The following SHISA6 variants were observed in gnomAD, a reference collection of about 807,000 sequenced individuals.
The protein encoded by SHISA6 is protein shisa-6.
In SHISA6, 22 loss-of-function variants were observed where a neutral mutation model predicts 47.9. The observed-to-expected ratio is 0.46, with a 90% CI of 0.33 to 0.66. The LOEUF is 0.66. Among genes scored for constraint, SHISA6 ranks in the 30% least tolerant of loss-of-function variants. The probability of loss-of-function intolerance (pLI) is 0.02; values close to 1 mark genes in which losing one functional copy is unlikely to be tolerated. For synonymous variants in SHISA6, 388 were observed against 337.8 expected (o/e 1.15, Z -1.63); for missense variants, 680 against 764.6 (o/e 0.89, Z 1.30).
chr17:11,246,675 T>C (rs889739995), intron 1 of SHISA6, among the ~76,000 whole-genome samples: 4 of 152,146 alleles, frequency 2.6e-5, no homozygotes, highest in Admixed American at 1.3e-4. Flanking sequence ...AAAGTGACGT[T>C]GCCCTGCCTT....
chr17:11,241,439 T>G lies in SHISA6; in HGVS notation c.17T>G (p.Leu6Arg). Residue 6 changes from leucine to arginine, a missense_variant, in exon 1 of 6, where the codon CTC becomes CGC. Coordinates refer to ENST00000441885, the MANE Select transcript of SHISA6 (RefSeq NM_207386.4). This position sits in a 1 kb window ranked among gnomAD's most constrained non-coding sequence, Gnocchi z 5.5. ...GGCCCCGCCATGGCGCTGCGGCGCC[T>G]CCTGCTGCTGCTGCTGCTCTCGCTG... MALRR[L>R]LLLLLLSLES... The G allele has an allele frequency of 8.4e-7, 1 of 1,189,052 alleles. No homozygotes were observed. Among genetic ancestry groups the G allele is most frequent in the Non-Finnish European group, 1.1e-6 (1 of 944,356 alleles). 73.7% of individuals were successfully genotyped at this position (1,189,052 alleles called of 1,614,324 possible).
rs111817876 is a variant in SHISA6 at position 11,551,918 on chromosome 17, G to A, written c.918G>A (p.Pro306=). The A allele has an allele frequency of 9.7e-6, 15 of 1,551,466 alleles. No individual in the cohort carries two copies. Among genetic ancestry groups the A allele is most frequent in the Admixed American group, 5.9e-5 (3 of 50,976 alleles). ...CAGGTGATCATCAATATAACCATCC[G>A]ATTTTGAGCAGTGTTACCCAGATCC... ...HTKGDHQYNH[P]ILSSVTQIPP... The change falls in exon 4 of 6, where the codon CCG becomes CCA. Residue 306 remains proline (P), a synonymous_variant. Coordinates refer to ENST00000441885, the MANE Select transcript of SHISA6 (RefSeq NM_207386.4).
intron 3 of SHISA6, among the ~76,000 whole-genome samples, chr17:11,521,557 G>T (rs2142363298): frequency 6.6e-6 from 1 of 152,264 alleles, no homozygotes; most frequent in East Asian, 1.9e-4. Context: ...GCCAAGTTGG[G>T]AGGACTGCTT....
At position 11,494,316 on chromosome 17, in the gene SHISA6, A is replaced by G. The variant is rs769478802; in HGVS notation, c.896-57580A>G. ...CCTCTGCTGTTAATGTCCTTGGCCC[A>G]GACCTCTTCCCACATGTGGCTTGCT... On this transcript the variant is annotated intron_variant, in intron 3 of 5. Transcript: ENST00000441885. 3.3e-5 allele frequency among the ~76,000 whole-genome samples: 5 copies of G among 152,126 alleles called. 1 individual carries two copies. Among genetic ancestry groups the G allele is most frequent in the Admixed American group, 2.6e-4 (4 of 15,282 alleles).
At chr17:11,476,624 T>C (rs573620555) in intron 3 of SHISA6, among the ~76,000 whole-genome samples, 1 of 151,892 alleles carries the variant, frequency 6.6e-6, no homozygotes, top group Admixed American at 6.6e-5. Flanking sequence ...AATTCCATTA[T>C]GTTCTGAGAA....
chr17:11,426,654 AAACTT>A (rs1478425148), intron 3 of SHISA6, among the ~76,000 whole-genome samples: 4 of 152,256 alleles, frequency 2.6e-5, no homozygotes, highest in African/African-American at 9.6e-5. Context: ...ACCACTCTCA[AAACTT>A]AATACGTCTA....
intron 2 of SHISA6, among the ~76,000 whole-genome samples, chr17:11,303,234 T>C (rs1166757741): frequency 6.6e-6 from 1 of 151,900 alleles, no homozygotes; most frequent in East Asian, 1.9e-4. Flanking sequence ...AGATTCAGTG[T>C]GATTGTGAGT....
intron 3 of SHISA6, among the ~76,000 whole-genome samples, chr17:11,512,577 T>A (rs1282765121): frequency 6.6e-6 from 1 of 152,240 alleles, no homozygotes; most frequent in Non-Finnish European, 1.5e-5. Flanking sequence ...TTTAATTTTT[T>A]AATTATAAGT....
chr17:11,504,901 TC>T (rs1465368718), intron 3 of SHISA6, among the ~76,000 whole-genome samples: 1 of 152,142 alleles, frequency 6.6e-6, no homozygotes, highest in Non-Finnish European at 1.5e-5. Context: ...AGCACCTGTG[TC>T]CCAAGAGGCA....
At chr17:11,449,228 G>A (rs1184396077) in intron 3 of SHISA6, among the ~76,000 whole-genome samples, 1 of 152,000 alleles carries the variant, frequency 6.6e-6, no homozygotes, top group Non-Finnish European at 1.5e-5. Flanking sequence ...CACTGCCCGA[G>A]CTCAGGAGTT....
rs964818403 is a variant in SHISA6 at position 11,494,227 on chromosome 17, C to G, written c.896-57669C>G. ...AGCTTCCCTGATAGCCCCCTCATCCCTGCCACTCTCTTCCTATTTCATTAG... is the reference window on the plus strand; with the variant it reads ...AGCTTCCCTGATAGCCCCCTCATCCGTGCCACTCTCTTCCTATTTCATTAG... On this transcript the variant is annotated intron_variant, in intron 3 of 5. Transcript: ENST00000441885. Among the ~76,000 whole-genome samples the G allele has an allele frequency of 1.3e-4, 20 of 152,248 alleles. No individual in the cohort carries two copies. In the South Asian group the frequency reaches 3.9e-3, roughly 30 times the overall value.
chr17:11,376,885 CGGGACCCTGCG>C (rs1374280869), intron 2 of SHISA6, among the ~76,000 whole-genome samples: 3 of 152,138 alleles, frequency 2.0e-5, no homozygotes, highest in African/African-American at 7.2e-5. Flanking sequence ...ATTCTGGAGC[CGGGACCCTGCG>C]ATCTGTGCCA....
At chr17:11,465,046 A>G (rs2142316695) in intron 3 of SHISA6, among the ~76,000 whole-genome samples, 1 of 152,138 alleles carries the variant, frequency 6.6e-6, no homozygotes, top group Middle Eastern at 3.4e-3. Context: ...GCTCCACATT[A>G]CTTACCAAAA....
chr17:11,544,610 G>A (rs2071865791), intron 3 of SHISA6, among the ~76,000 whole-genome samples: 1 of 152,164 alleles, frequency 6.6e-6, no homozygotes, highest in Non-Finnish European at 1.5e-5. Flanking sequence ...TTCATTTTTG[G>A]TGGGAATGTA....
chr17:11,251,229 T>C (rs1597421634), intron 1 of SHISA6, among the ~76,000 whole-genome samples: 1 of 131,440 alleles, frequency 7.6e-6, no homozygotes. Flanking sequence ...AGTGAAAGAC[T>C]GGGAAGATAA....
At chr17:11,465,948 T>C (rs1170422237) in intron 3 of SHISA6, among the ~76,000 whole-genome samples, 2 of 152,158 alleles carry the variant, frequency 1.3e-5, no homozygotes, top group African/African-American at 4.8e-5. Flanking sequence ...AGCAGCAACG[T>C]TCCCTCTACC....
intron 2 of SHISA6, among the ~76,000 whole-genome samples, chr17:11,357,699 TTGA>T (rs1292962624): frequency 2.0e-5 from 3 of 152,240 alleles, no homozygotes; most frequent in Non-Finnish European, 4.4e-5. Flanking sequence ...CTTTCCTCTG[TTGA>T]TCACATTTAG....
intron 2 of SHISA6, among the ~76,000 whole-genome samples, chr17:11,321,994 C>A (rs749597628): frequency 2.0e-5 from 3 of 152,144 alleles, no homozygotes; most frequent in Non-Finnish European, 4.4e-5. Flanking sequence ...CTTCTATAGG[C>A]TTTTAAAGTA....
At chr17:11,344,885 T>C (rs1911648167) in intron 2 of SHISA6, among the ~76,000 whole-genome samples, 1 of 152,142 alleles carries the variant, frequency 6.6e-6, no homozygotes, top group African/African-American at 2.4e-5. Flanking sequence ...TTATTCCTCC[T>C]ATCTAGCTGT....
Sources: gnomAD v4.1 joint callset for allele counts (sites outside exome capture counted in the v4.1 genomes callset) on GRCh38, gnomAD v4.1.1 for gene constraint, Gnocchi (gnomAD v3.1) non-coding constraint, MANE v1.5 for transcripts, NCBI Gene and HGNC (gene_info 2026-07-23, HGNC 2026-07-21) for gene names.